ELAVL2: variants seen among roughly 807,000 people sequenced by gnomAD.
ELAVL2 encodes ELAV-like protein 2.
ELAVL2 carries 4 observed loss-of-function variants against 34.6 expected under a neutral mutation model. The ratio of observed to expected loss-of-function variants is 0.12; its 90% CI spans 0.06 to 0.26. ELAVL2 has a LOEUF of 0.26. ELAVL2 is among the 10% of genes least tolerant of loss of function. The probability of loss-of-function intolerance (pLI) is 1.00; values close to 1 mark genes in which losing one functional copy is unlikely to be tolerated. For missense variants in ELAVL2, 432 were observed against 442.8 expected (o/e 0.98, Z 0.22); for synonymous variants, 193 against 154.8 (o/e 1.25, Z -1.83).
intron 1 of ELAVL2, among the ~76,000 whole-genome samples, chr9:23,809,745 A>T (rs891613660): frequency 6.6e-6 from 1 of 152,194 alleles, no homozygotes; most frequent in Admixed American, 6.5e-5. Flanking sequence ...GTAATGAAAA[A>T]GAGCACATGG....
intron 1 of ELAVL2, among the ~76,000 whole-genome samples, chr9:23,771,719 A>T (rs960484774): frequency 6.6e-6 from 1 of 152,216 alleles, no homozygotes; most frequent in Non-Finnish European, 1.5e-5. Context: ...AAAGTAAAAT[A>T]GCTCAAAGCT....
chr9:23,837,952 G>T, the ELAVL2 span, among the ~76,000 whole-genome samples: 7 of 152,166 alleles, frequency 4.6e-5, no homozygotes, highest in South Asian at 8.3e-4. Context: ...TATATAAGAT[G>T]TCCTTGGCTG....
the ELAVL2 span, among the ~76,000 whole-genome samples, chr9:23,835,937 C>T: frequency 6.6e-6 from 1 of 152,102 alleles, no homozygotes; most frequent in African/African-American, 2.4e-5. Context: ...AAAATTGACC[C>T]ACTCAAGGTC....
intron 3 of ELAVL2, among the ~76,000 whole-genome samples, chr9:23,727,118 C>G (rs1286713558): frequency 6.6e-6 from 1 of 152,086 alleles, no homozygotes; most frequent in African/African-American, 2.4e-5. Flanking sequence ...CATGTCAACA[C>G]TGGGGATACT....
intron 4 of ELAVL2, among the ~76,000 whole-genome samples, chr9:23,703,854 T>C (rs2038355459): frequency 6.6e-6 from 1 of 152,202 alleles, no homozygotes; most frequent in Non-Finnish European, 1.5e-5. Context: ...GTACTACAGC[T>C]AATATTTCCT....
At chr9:23,754,113 T>G (rs2052896425) in intron 2 of ELAVL2, among the ~76,000 whole-genome samples, 1 of 152,260 alleles carries the variant, frequency 6.6e-6, no homozygotes, top group African/African-American at 2.4e-5. Context: ...TGGAAAACTG[T>G]ATAACTGTCT....
intron 1 of ELAVL2, among the ~76,000 whole-genome samples, chr9:23,769,539 ACT>A (rs1487065671): frequency 6.6e-6 from 1 of 151,994 alleles, no homozygotes; most frequent in Non-Finnish European, 1.5e-5. Context: ...GTTTTCTTTA[ACT>A]CTCTTTGCTT....
At chr9:23,725,055 T>C (rs925391309) in intron 3 of ELAVL2, among the ~76,000 whole-genome samples, 3 of 152,110 alleles carry the variant, frequency 2.0e-5, no homozygotes, top group African/African-American at 2.4e-5. Context: ...CTTTGTACCA[T>C]CACAGGAAAT....
intron 2 of ELAVL2, among the ~76,000 whole-genome samples, chr9:23,754,610 C>G (rs951714961): frequency 6.6e-6 from 1 of 152,096 alleles, no homozygotes; most frequent in Non-Finnish European, 1.5e-5. Flanking sequence ...AGGCGTGCAG[C>G]ACCACCACAC....
At chr9:23,799,805 G>C (rs1427092266) in intron 1 of ELAVL2, among the ~76,000 whole-genome samples, 2 of 152,142 alleles carry the variant, frequency 1.3e-5, no homozygotes, top group African/African-American at 4.8e-5. Context: ...TTAAGAATTA[G>C]AAAACCCTGA....
At chr9:23,758,175 C>T (rs777062285) in intron 2 of ELAVL2, among the ~76,000 whole-genome samples, 6 of 151,990 alleles carry the variant, frequency 3.9e-5, no homozygotes, top group African/African-American at 1.2e-4. Context: ...CCCTAAAATA[C>T]GTACTGAGAA....
chr9:23,732,024 C>G (rs961295999), intron 2 of ELAVL2, among the ~76,000 whole-genome samples: 3 of 152,256 alleles, frequency 2.0e-5, no homozygotes, highest in East Asian at 3.9e-4. Context: ...TTCAATGAAG[C>G]AAGTTTCTCA....
In ELAVL2 at chr9:23,690,353, G is replaced by C. The variant is rs2032755116; in HGVS notation, c.*2204C>G. ...CTCATCAATGCCTTGGTTTGCTACA[G>C]TAGTATAGGAAAGAAGCATGTAGCT... On this transcript the variant is annotated 3_prime_UTR_variant, in exon 7 of 7. Coordinates refer to ENST00000397312, the MANE Select transcript of ELAVL2 (RefSeq NM_004432.5). 1 of 152,604 alleles carries C rather than the reference G, an allele frequency of 6.6e-6. No individual in the cohort carries two copies. The highest frequency in any genetic ancestry group is 2.4e-5 in the African/African-American group (1 of 41,456). The allele number at this position is 152,604 out of a possible 1,614,324, so 9.5% of individuals were successfully genotyped here.
chr9:23,824,931 C>A (rs936906277), intron 1 of ELAVL2, among the ~76,000 whole-genome samples: 1 of 152,160 alleles, frequency 6.6e-6, no homozygotes, highest in African/African-American at 2.4e-5. Context: ...GGGGTTCCCC[C>A]TCTCCCCGAA....
At chr9:23,850,104 G>A in the ELAVL2 span, among the ~76,000 whole-genome samples, 2 of 151,572 alleles carry the variant, frequency 1.3e-5, no homozygotes, top group Non-Finnish European at 2.9e-5. Context: ...AGAACATACC[G>A]GGGAGGGGGT....
intron 2 of ELAVL2, 23 bp from the exon 3 acceptor site, chr9:23,731,148 A>T (rs747060826): frequency 6.2e-7 from 1 of 1,602,468 alleles, no homozygotes; most frequent in Non-Finnish European, 8.5e-7. Context: ...AAGGGGAAAA[A>T]GGCATATATT....
chr9:23,795,499 C>T (rs965575216), intron 1 of ELAVL2, among the ~76,000 whole-genome samples: 2 of 152,066 alleles, frequency 1.3e-5, no homozygotes, highest in East Asian at 1.9e-4. Context: ...GCCGAGATCA[C>T]GCCACTGCTG....
chr9:23,833,851 A>G, the ELAVL2 span, among the ~76,000 whole-genome samples: 4 of 151,976 alleles, frequency 2.6e-5, no homozygotes, highest in Non-Finnish European at 5.9e-5. Context: ...GAAATATCCA[A>G]AAGTCTTCAT....
chr9:23,818,910 T>C (rs1315877576), intron 1 of ELAVL2, among the ~76,000 whole-genome samples: 1 of 152,222 alleles, frequency 6.6e-6, no homozygotes, highest in Non-Finnish European at 1.5e-5. Context: ...GGTGCTCTTG[T>C]GCAATGCCAA....
Sources: allele counts gnomAD v4.1 joint callset (sites outside exome capture counted in the v4.1 genomes callset), GRCh38; gene constraint gnomAD v4.1.1; transcripts MANE v1.5; gene names NCBI Gene and HGNC (gene_info 2026-07-23, HGNC 2026-07-21).